RALGPS2: variants seen among roughly 807,000 people sequenced by gnomAD.
RALGPS2 encodes the protein Ral GEF with PH domain and SH3 binding motif 2.
In RALGPS2, 43 loss-of-function variants were observed where a neutral mutation model predicts 86.8. The ratio of observed to expected loss-of-function variants is 0.50; its 90% confidence interval spans 0.39 to 0.64. The LOEUF is 0.64. Ranked by LOEUF, RALGPS2 falls within the 30% of genes least tolerant of loss-of-function variation. The pLI, the probability that RALGPS2 is intolerant of heterozygous loss-of-function variation, is 0.00. For missense variants in RALGPS2, 536 were observed against 694.6 expected (o/e 0.77, Z 2.57); for synonymous variants, 243 against 231.3 (o/e 1.05, Z -0.46).
chr1:178,889,678 C>T lies in RALGPS2; in HGVS notation c.1229C>T (p.Ser410Leu), dbSNP rs948551998. ...SDGSELSEETSWPAFERNRLY... is the reference protein window; with the variant it reads ...SDGSELSEETLWPAFERNRLY... ...GGTTCTGAACTAAGTGAAGAGACCT[C>T]ATGGCCTGCTTTTGAAAGGTAAGAT... Residue 410 changes from serine to leucine, a missense_variant, in exon 14 of 20, where the codon TCA (serine) becomes TTA (leucine). This residue lies in a region of RALGPS2 where 309 missense variants were observed against 363.0 expected (regional missense o/e 0.85). Transcript: ENST00000367635. 2 of 1,606,634 alleles carry T rather than the reference C, an allele frequency of 1.2e-6. No homozygotes were observed. Among genetic ancestry groups the T allele is most frequent in the Non-Finnish European group, 1.7e-6 (2 of 1,175,874 alleles).
At chr1:178,818,518 T>C (rs146731117) in intron 6 of RALGPS2, among the ~76,000 whole-genome samples, 2,190 of 152,306 alleles carry the variant, frequency 0.014, 21 homozygotes, top group Non-Finnish European at 0.021. Flanking sequence ...CTTGCTGTAG[T>C]AGGGACCCTG....
chr1:178,804,254 T>TTC (rs544075766), intron 4 of RALGPS2, among the ~76,000 whole-genome samples: 53 of 41,940 alleles, frequency 1.3e-3, no homozygotes, highest in Non-Finnish European at 2.0e-3. Context: ...CTGTTTCTTC[T>TTC]TTTTTTTTTT....
chr1:178,825,907 G>A (rs1252791414), intron 7 of RALGPS2, among the ~76,000 whole-genome samples: 2 of 152,148 alleles, frequency 1.3e-5, no homozygotes, highest in Non-Finnish European at 2.9e-5. Context: ...GGATTTTAGG[G>A]AGCAGGGTGA....
intron 1 of RALGPS2, among the ~76,000 whole-genome samples, chr1:178,736,228 A>G (rs541496479): frequency 1.4e-5 from 2 of 145,588 alleles, no homozygotes; most frequent in African/African-American, 5.2e-5. Flanking sequence ...TGCAGTGGTG[A>G]TCTCGGCTCA....
intron 2 of RALGPS2, among the ~76,000 whole-genome samples, chr1:178,777,789 G>A (rs1653173049): frequency 6.6e-6 from 1 of 151,858 alleles, no homozygotes; most frequent in Non-Finnish European, 1.5e-5. Context: ...ACAAGCAACG[G>A]GGAAAGGATT....
rs1653103088 is a variant in RALGPS2 at position 178,776,713 on chromosome 1, C to T, written c.-52C>T. ...TGTATTTGTGGCCTTGGACATGAGG[C>T]AGTCAGTCCTCTGTTGCTGTTAACA... On this transcript the variant is annotated 5_prime_UTR_variant, in exon 2 of 20. The change creates a premature stop within an existing upstream ORF in the 5' untranslated region. Transcript: ENST00000367635. 2 of 1,346,530 alleles carry T rather than the reference C, an allele frequency of 1.5e-6. No individual in the cohort carries two copies. Among genetic ancestry groups the T allele is most frequent in the Admixed American group, 4.1e-5 (2 of 49,202 alleles). The allele number at this position is 1,346,530 out of a possible 1,614,324, so 83.4% of individuals were successfully genotyped here.
chr1:178,770,844 T>G (rs892473610), intron 1 of RALGPS2, among the ~76,000 whole-genome samples: 10 of 150,136 alleles, frequency 6.7e-5, no homozygotes, highest in Non-Finnish European at 1.2e-4. Flanking sequence ...TGTTGTTTTT[T>G]TTTTTTTTTT....
intron 10 of RALGPS2, 86 bp from the exon 11 acceptor site, chr1:178,883,378 GTT>G (rs920346829): frequency 8.5e-6 from 9 of 1,063,796 alleles, no homozygotes; most frequent in Middle Eastern, 2.1e-4. Flanking sequence ...AATGTTTTTA[GTT>G]TTTTTGTGAG....
At chr1:178,797,408 G>A (rs533694697) in intron 4 of RALGPS2, among the ~76,000 whole-genome samples, 1 of 152,164 alleles carries the variant, frequency 6.6e-6, no homozygotes, top group South Asian at 2.1e-4. Context: ...ATAAATGCAT[G>A]TCAAAGTTTA....
intron 17 of RALGPS2, among the ~76,000 whole-genome samples, chr1:178,900,572 T>A (rs1660129822): frequency 6.6e-6 from 1 of 151,906 alleles, no homozygotes. Flanking sequence ...TTTGAACAAG[T>A]GCACAAAGAT....
intron 8 of RALGPS2, among the ~76,000 whole-genome samples, chr1:178,862,154 T>C (rs1658065715): frequency 6.6e-6 from 1 of 152,144 alleles, no homozygotes; most frequent in African/African-American, 2.4e-5. Flanking sequence ...ATTACAGGCA[T>C]GAGCCACCAT....
intron 17 of RALGPS2, among the ~76,000 whole-genome samples, chr1:178,899,688 T>A (rs1323242682): frequency 6.6e-6 from 1 of 151,070 alleles, no homozygotes; most frequent in African/African-American, 2.4e-5. Context: ...ACCTGAATCT[T>A]ATGAGGAAAT....
rs1425189932 is a variant in RALGPS2 at position 178,920,114 on chromosome 1, G to GT, written c.*3761dup. The stretch of plus-strand genomic sequence containing the variant: ...GATTTTACAGCCAAAGTGGTATTCT[G>GT]TTTTTTCTAAGCTTTGAGATACAAA... On this transcript the variant is annotated 3_prime_UTR_variant, in exon 20 of 20. Coordinates refer to ENST00000367635, the MANE Select transcript of RALGPS2 (RefSeq NM_152663.5). 1 of 151,928 alleles carries GT rather than the reference G, an allele frequency of 6.6e-6. No homozygotes were observed. Among genetic ancestry groups the GT allele is most frequent in the East Asian group, 1.9e-4 (1 of 5,192 alleles). The allele number at this position is 151,928 out of a possible 1,614,324, so 9.4% of individuals were successfully genotyped here.
chr1:178,901,685 C>CA (rs574365904), intron 17 of RALGPS2, among the ~76,000 whole-genome samples: 6,910 of 119,606 alleles, frequency 0.058, 213 homozygotes, highest in African/African-American at 0.096. Flanking sequence ...GAGACTGTCT[C>CA]AAAAAAAAAA....
chr1:178,784,559 A>G (rs1242106770), intron 3 of RALGPS2, 37 bp downstream of exon 3: 62 of 1,455,240 alleles, frequency 4.3e-5, no homozygotes, highest in Middle Eastern at 1.8e-4. Context: ...GGTTTTGCAC[A>G]TAATTTACAT....
intron 1 of RALGPS2, among the ~76,000 whole-genome samples, chr1:178,764,116 C>T (rs1445410342): frequency 6.6e-6 from 1 of 151,216 alleles, no homozygotes; most frequent in Non-Finnish European, 1.5e-5. Context: ...TCATAGGTCT[C>T]TAAGAACTTG....
chr1:178,778,688 T>G (rs535845541), intron 2 of RALGPS2, among the ~76,000 whole-genome samples: 1 of 136,162 alleles, frequency 7.3e-6, no homozygotes, highest in East Asian at 2.1e-4. Context: ...ATGTGGCACA[T>G]ATACACCATG....
intron 8 of RALGPS2, among the ~76,000 whole-genome samples, chr1:178,872,667 TGTA>T (rs1284803298): frequency 6.6e-6 from 1 of 152,226 alleles, no homozygotes; most frequent in African/African-American, 2.4e-5. Context: ...GTAATTATGT[TGTA>T]GTCACTAATG....
intron 19 of RALGPS2, among the ~76,000 whole-genome samples, chr1:178,910,759 A>G (rs748751969): frequency 6.6e-5 from 10 of 152,180 alleles, no homozygotes; most frequent in Middle Eastern, 3.2e-3. Flanking sequence ...TGGAATCAGA[A>G]TGATGTTGGC....
Sources: allele counts gnomAD v4.1 joint callset (sites outside exome capture counted in the v4.1 genomes callset), GRCh38; gene constraint gnomAD v4.1.1; regional missense constraint gnomAD v4.1.1; transcripts MANE v1.5; gene names NCBI Gene and HGNC (gene_info 2026-07-23, HGNC 2026-07-21).